SLIT3: variants seen among roughly 807,000 people sequenced by gnomAD.
SLIT3 encodes slit guidance ligand 3.
Under a neutral mutation model 184.0 loss-of-function variants are expected in SLIT3, and 68 were observed. That is an observed-to-expected ratio of 0.37 (90% CI 0.30 to 0.45). The LOEUF is 0.45. Among genes scored for constraint, SLIT3 ranks in the 20% least tolerant of loss-of-function variants. The probability of loss-of-function intolerance (pLI) is 1.00; values close to 1 mark genes in which losing one functional copy is unlikely to be tolerated. For missense variants in SLIT3, 1,707 were observed against 2,026.0 expected, an observed-to-expected ratio of 0.84 and a Z score of 3.02; for synonymous variants, 831 against 828.6, an observed-to-expected ratio of 1.00 and a Z score of -0.05.
intron 4 of SLIT3, among the ~76,000 whole-genome samples, chr5:168,937,509 C>T (rs1762196706): frequency 1.3e-5 from 2 of 152,180 alleles, no homozygotes; most frequent in Non-Finnish European, 2.9e-5. Flanking sequence ...GAGTATACAC[C>T]TAGCAGGTCC....
intron 4 of SLIT3, among the ~76,000 whole-genome samples, chr5:168,903,894 T>G (rs1168477275): frequency 6.6e-6 from 1 of 152,186 alleles, no homozygotes; most frequent in African/African-American, 2.4e-5. Flanking sequence ...ACAGAAATCA[T>G]CACACTGAAG....
intron 6 of SLIT3, among the ~76,000 whole-genome samples, chr5:168,827,668 T>C (rs780794571): frequency 1.3e-5 from 2 of 152,170 alleles, no homozygotes; most frequent in Non-Finnish European, 1.5e-5. Flanking sequence ...ACAACATTCA[T>C]AGGTTTCTGG....
chr5:169,261,451 T>G (rs1299880667), intron 1 of SLIT3, among the ~76,000 whole-genome samples: 2 of 152,106 alleles, frequency 1.3e-5, no homozygotes, highest in Admixed American at 6.6e-5. Context: ...CCTTCTTTCT[T>G]CTTTTCTTTC....
intron 4 of SLIT3, among the ~76,000 whole-genome samples, chr5:169,077,173 T>A (rs1454949179): frequency 6.6e-6 from 1 of 152,226 alleles, no homozygotes; most frequent in Admixed American, 6.5e-5. Flanking sequence ...TTCCATTTAA[T>A]GAATTGTAAG....
intron 4 of SLIT3, among the ~76,000 whole-genome samples, chr5:168,984,564 C>A (rs6555845): frequency 6.6e-6 from 1 of 152,018 alleles, no homozygotes; most frequent in Admixed American, 6.5e-5. Context: ...TCCAGCCCCA[C>A]TGAAATATCA....
chr5:169,227,760 T>G (rs979625813), intron 3 of SLIT3, among the ~76,000 whole-genome samples: 1 of 152,212 alleles, frequency 6.6e-6, no homozygotes, highest in Non-Finnish European at 1.5e-5. Flanking sequence ...AAGCTGCAAT[T>G]ACCTTTGCAC....
intron 4 of SLIT3, among the ~76,000 whole-genome samples, chr5:169,161,881 C>G (rs1429685136): frequency 1.3e-5 from 2 of 152,148 alleles, no homozygotes; most frequent in African/African-American, 2.4e-5. Context: ...TAGACCATCT[C>G]TGGGCTTCAG....
intron 4 of SLIT3, among the ~76,000 whole-genome samples, chr5:168,945,909 T>C (rs1324879250): frequency 6.6e-6 from 1 of 152,268 alleles, no homozygotes; most frequent in African/African-American, 2.4e-5. Context: ...AATGTCATGA[T>C]TGGATTAGAA....
Position 168,782,563 on chromosome 5 carries a change from G to C in SLIT3, c.1151+3344C>G, listed in dbSNP as rs137956447. Among the ~76,000 whole-genome samples, 839 of 152,350 alleles carry C rather than the reference G, an allele frequency of 5.5e-3. 7 individuals are homozygous for C. The highest frequency in any genetic ancestry group is 0.02 in the African/African-American group (821 of 41,584). ...GAGCCTGGGTGGGCAGGGGAAGGTA[G>C]AGGAGCAAGACCATTCACCCTGAGC... On this transcript the variant is annotated intron_variant, in intron 12 of 35. Coordinates refer to ENST00000519560, the MANE Select transcript of SLIT3 (RefSeq NM_003062.4).
Position 168,684,016 on chromosome 5 carries a change from G to A in SLIT3, c.3636C>T (p.His1212=), listed in dbSNP as rs145897065. The stretch of plus-strand genomic sequence containing the variant: ...TCAGGCTGTCATAGACCAGCCGCAC[G>A]TGGCCCTGGTACAGCTCCAGTGCCA... The part of the protein sequence containing the change: ...DPLALELYQG[H]VRLVYDSLSS... Residue 1212 remains histidine (H), a synonymous_variant, in exon 32 of 36, where the codon CAC becomes CAT. Coordinates refer to ENST00000519560, the MANE Select transcript of SLIT3 (RefSeq NM_003062.4). 7,575 of 1,606,112 alleles carry A rather than the reference G, an allele frequency of 4.7e-3. 34 individuals carry two copies. Among genetic ancestry groups the A allele is most frequent in the African/African-American group, 0.016 (1,179 of 74,632 alleles).
chr5:169,161,023 T>C (rs149021322), intron 4 of SLIT3, among the ~76,000 whole-genome samples: 66 of 152,350 alleles, frequency 4.3e-4, no homozygotes, highest in Middle Eastern at 3.4e-3. Context: ...CTCTATGTTG[T>C]TCCTTGGAAT....
chr5:169,137,335 C>CACACAGAGAGAGAGAG (rs368371904), intron 4 of SLIT3, among the ~76,000 whole-genome samples: 34 of 138,658 alleles, frequency 2.5e-4, no homozygotes, highest in African/African-American at 9.2e-4. Context: ...CACACACACA[C>CACACAGAGAGAGAGAG]AGAGAGAGAG....
At chr5:168,666,907 G>A in intron 35 of SLIT3, 2 of 729,094 alleles carry the variant, frequency 2.7e-6, no homozygotes, top group Non-Finnish European at 4.7e-6. Flanking sequence ...CCTAAGCCGT[G>A]AGGATATAAT....
At chr5:169,245,793 C>T (rs1157561700) in intron 2 of SLIT3, among the ~76,000 whole-genome samples, 2 of 152,150 alleles carry the variant, frequency 1.3e-5, no homozygotes, top group Admixed American at 6.5e-5. Flanking sequence ...CAGTCTCTCC[C>T]CATTAGATGT....
intron 1 of SLIT3, among the ~76,000 whole-genome samples, chr5:169,268,810 GA>G (rs1766495242): frequency 6.6e-6 from 1 of 152,168 alleles, no homozygotes; most frequent in African/African-American, 2.4e-5. Context: ...TGTACTGCTG[GA>G]AAACTATAAA....
chr5:168,696,559 G>A (rs960253460), intron 27 of SLIT3, 128 bp from the exon 28 acceptor site: 6 of 1,107,546 alleles, frequency 5.4e-6, no homozygotes, highest in Non-Finnish European at 7.8e-6. Context: ...GTCTGAGAAA[G>A]CACTTTGGAC....
At chr5:169,240,877 CTT>C (rs199600846) in intron 3 of SLIT3, among the ~76,000 whole-genome samples, 25 of 139,710 alleles carry the variant, frequency 1.8e-4, no homozygotes, top group Admixed American at 3.5e-4. Context: ...AATTTTTTGG[CTT>C]TTTTTTTTTT....
intron 4 of SLIT3, among the ~76,000 whole-genome samples, chr5:169,164,580 CTA>C (rs960009455): frequency 5.3e-5 from 8 of 152,194 alleles, no homozygotes; most frequent in African/African-American, 1.9e-4. Flanking sequence ...TCTGTCATCT[CTA>C]TGAGTCAGCC....
intron 4 of SLIT3, among the ~76,000 whole-genome samples, chr5:169,162,645 T>C (rs1762516180): frequency 1.3e-5 from 2 of 152,062 alleles, no homozygotes; most frequent in African/African-American, 4.8e-5. Flanking sequence ...TGTTCAGAGG[T>C]TTGGGGTCAA....
Sources: gnomAD v4.1 joint callset for allele counts (sites outside exome capture counted in the v4.1 genomes callset) on GRCh38, gnomAD v4.1.1 for gene constraint, MANE v1.5 for transcripts, NCBI Gene and HGNC (gene_info 2026-07-23, HGNC 2026-07-21) for gene names.